POLR3G: variants seen among roughly 807,000 people sequenced by gnomAD.
POLR3G encodes RNA polymerase III subunit G, also known as DNA-directed RNA polymerase III subunit RPC7.
Under a neutral mutation model 30.1 loss-of-function variants are expected in POLR3G, and 28 were observed. The ratio of observed to expected loss-of-function variants is 0.93; its 90% CI spans 0.69 to 1.27. The LOEUF (loss-of-function observed/expected upper bound fraction) is 1.27, where lower values mean the gene tolerates loss of function less well. POLR3G is among the 50% of genes most tolerant of loss of function. The pLI is 0.00. For missense variants in POLR3G, 254 were observed against 264.6 expected (o/e 0.96, Z 0.28); for synonymous variants, 79 against 82.5 (o/e 0.96, Z 0.23).
At chr5:90,512,005 C>A (rs1327478821) in intron 7 of POLR3G, 48 bp from the exon 8 acceptor site, 1 of 1,230,082 alleles carries the variant, frequency 8.1e-7, no homozygotes, top group Non-Finnish European at 1.2e-6. Flanking sequence ...TATTTTCTTA[C>A]TACTCATTCA....
intron 6 of POLR3G, among the ~76,000 whole-genome samples, chr5:90,505,140 G>A (rs1359552608): frequency 6.6e-6 from 1 of 152,100 alleles, no homozygotes; most frequent in Non-Finnish European, 1.5e-5. Context: ...AACCAGTAAA[G>A]GAATAGCTAA....
intron 7 of POLR3G, among the ~76,000 whole-genome samples, chr5:90,509,476 G>GT (rs1379627690): frequency 6.6e-6 from 1 of 152,170 alleles, no homozygotes; most frequent in African/African-American, 2.4e-5. Context: ...GACAAAAAAG[G>GT]TAACAGTTAA....
chr5:90,508,882 T>C (rs957835195), intron 7 of POLR3G, among the ~76,000 whole-genome samples: 1 of 152,066 alleles, frequency 6.6e-6, no homozygotes, highest in African/African-American at 2.4e-5. Context: ...GCCAACATGG[T>C]GAAACCCTGT....
chr5:90,504,582 T>C lies in POLR3G; in HGVS notation c.439-1946T>C, dbSNP rs531539731. ...CATCTCAAAAAAAAAAAAAGTACTT[T>C]TACATAACTGGTTTAAATAACTGTG... On this transcript the variant is annotated intron_variant, in intron 6 of 7. Coordinates refer to ENST00000651687, the MANE Select transcript of POLR3G (RefSeq NM_006467.3). Among the ~76,000 whole-genome samples, 3 of 152,016 alleles carry C rather than the reference T, an allele frequency of 2.0e-5. No homozygotes were observed. In the South Asian group the frequency reaches 6.2e-4, roughly 32 times the overall value.
chr5:90,488,154 T>C, intron 3 of POLR3G, 25 bp downstream of exon 3: 1 of 1,564,976 alleles, frequency 6.4e-7, no homozygotes, highest in Non-Finnish European at 8.6e-7. Context: ...TCTTTGATTA[T>C]GTGGCTTAAT....
chr5:90,508,584 C>T (rs964713821), intron 7 of POLR3G, among the ~76,000 whole-genome samples: 6 of 152,036 alleles, frequency 3.9e-5, no homozygotes, highest in East Asian at 3.9e-4. Flanking sequence ...ACCCCTCCCC[C>T]TCCCCCACCA....
At chr5:90,495,959 G>T (rs539323247) in intron 4 of POLR3G, among the ~76,000 whole-genome samples, 7 of 151,130 alleles carry the variant, frequency 4.6e-5, no homozygotes, top group African/African-American at 1.4e-4. Context: ...ATATATATAT[G>T]TATATTTTAT....
At chr5:90,481,809 G>T (rs1051021832) in intron 1 of POLR3G, among the ~76,000 whole-genome samples, 1 of 152,120 alleles carries the variant, frequency 6.6e-6, no homozygotes, top group East Asian at 1.9e-4. Context: ...TAAGATGATG[G>T]TATAGAGTTA....
chr5:90,475,980 G>A (rs1485328279), intron 1 of POLR3G, among the ~76,000 whole-genome samples: 1 of 152,042 alleles, frequency 6.6e-6, no homozygotes, highest in African/African-American at 2.4e-5. Flanking sequence ...CAAAGTGCTG[G>A]GATTACAGGC....
At chr5:90,493,257 TTTTA>T (rs1751821100) in intron 3 of POLR3G, among the ~76,000 whole-genome samples, 1 of 152,290 alleles carries the variant, frequency 6.6e-6, no homozygotes, top group African/African-American at 2.4e-5. Context: ...ATTTATTTAT[TTTTA>T]TTTGAGACAG....
intron 5 of POLR3G, among the ~76,000 whole-genome samples, chr5:90,500,080 G>C (rs1752177096): frequency 6.6e-6 from 1 of 152,056 alleles, no homozygotes; most frequent in Non-Finnish European, 1.5e-5. Flanking sequence ...ATCAGTAAAA[G>C]CTCCCAAAGT....
rs1253649317 is a variant in POLR3G at position 90,488,028 on chromosome 5, A to T, written c.146A>T (p.Lys49Ile). Reference sequence around the variant, plus strand: ...ACAGATTATAAACCAGTGCCACTGAAAACAGGAGAAGGTGAAGAATATATG... The same window carrying T: ...ACAGATTATAAACCAGTGCCACTGATAACAGGAGAAGGTGAAGAATATATG... ...PDTDYKPVPLKTGEGEEYMLA... is the reference protein window; with the variant it reads ...PDTDYKPVPLITGEGEEYMLA... Residue 49 changes from lysine to isoleucine, a missense_variant, in exon 3 of 8, where the codon AAA becomes ATA. Transcript: ENST00000651687. The T allele has an allele frequency of 1.2e-6, 2 of 1,607,712 alleles. No individual in the cohort carries two copies. The highest frequency in any genetic ancestry group is 2.7e-5 in the African/African-American group (2 of 74,576).
intron 1 of POLR3G, among the ~76,000 whole-genome samples, chr5:90,475,624 G>A (rs1410843176): frequency 6.6e-6 from 1 of 152,000 alleles, no homozygotes; most frequent in African/African-American, 2.4e-5. Context: ...GTGTGGCCCC[G>A]CCAGCCACAT....
At chr5:90,505,862 C>A (rs1752457967) in intron 6 of POLR3G, among the ~76,000 whole-genome samples, 1 of 152,064 alleles carries the variant, frequency 6.6e-6, no homozygotes, top group African/African-American at 2.4e-5. Flanking sequence ...TTATTTTTCC[C>A]CTTTTATGTT....
At chr5:90,501,799 T>C in intron 5 of POLR3G, 107 bp from the exon 6 acceptor site, 1 of 1,199,960 alleles carries the variant, frequency 8.3e-7, no homozygotes, top group Non-Finnish European at 1.2e-6. Flanking sequence ...ACTATGTGAC[T>C]GCCTAGGATG....
intron 2 of POLR3G, 102 bp downstream of exon 2, chr5:90,485,786 G>C: frequency 1.4e-6 from 1 of 723,838 alleles, no homozygotes; most frequent in Non-Finnish European, 2.3e-6. Flanking sequence ...GCATCCTCAA[G>C]TATAAGAAAG....
At chr5:90,494,022 T>A (rs958616840) in intron 3 of POLR3G, among the ~76,000 whole-genome samples, 6 of 152,122 alleles carry the variant, frequency 3.9e-5, no homozygotes, top group Non-Finnish European at 8.8e-5. Flanking sequence ...CTATCTAATT[T>A]TTTAGATGCT....
intron 3 of POLR3G, among the ~76,000 whole-genome samples, chr5:90,495,046 G>C (rs1751916259): frequency 1.3e-5 from 2 of 152,146 alleles, no homozygotes; most frequent in Non-Finnish European, 2.9e-5. Context: ...TTTACCTGAA[G>C]TCAAACAGTT....
chr5:90,496,751 A>G (rs1752016360), intron 4 of POLR3G, among the ~76,000 whole-genome samples: 1 of 152,246 alleles, frequency 6.6e-6, no homozygotes. Flanking sequence ...GTAAAAACAT[A>G]GATGGCATTA....
Sources: gnomAD v4.1 joint callset for allele counts (sites outside exome capture counted in the v4.1 genomes callset) on GRCh38, gnomAD v4.1.1 for gene constraint, MANE v1.5 for transcripts, NCBI Gene and HGNC (gene_info 2026-07-23, HGNC 2026-07-21) for gene names.